ERAP1: variants seen among roughly 807,000 people sequenced by gnomAD.
ERAP1 encodes endoplasmic reticulum aminopeptidase 1.
A neutral mutation model predicts 103.7 loss-of-function variants in ERAP1; 86 were observed. The ratio of observed to expected loss-of-function variants is 0.83; its 90% CI spans 0.70 to 0.99. The LOEUF is 0.99. Among genes scored for constraint, ERAP1 ranks in the 50% least tolerant of loss-of-function variants. The probability of loss-of-function intolerance (pLI) is 0.00; values close to 1 mark genes in which losing one functional copy is unlikely to be tolerated. For missense variants in ERAP1, 1,009 were observed against 1,128.4 expected, an observed-to-expected ratio of 0.89 and a Z score of 1.52; for synonymous variants, 398 against 402.4, an observed-to-expected ratio of 0.99 and a Z score of 0.13.
chr5:96,823,671 A>G, the ERAP1 span, among the ~76,000 whole-genome samples: 1 of 152,246 alleles, frequency 6.6e-6, no homozygotes, highest in Admixed American at 6.5e-5. Context: ...AAAACTGCAG[A>G]TAGTACTGAA....
the ERAP1 span, among the ~76,000 whole-genome samples, chr5:96,849,931 A>G: frequency 7.9e-5 from 12 of 152,298 alleles, no homozygotes; most frequent in South Asian, 1.7e-3. Context: ...ATGGAATAGA[A>G]TAGAAAGCCT....
At chr5:96,917,586 G>C in the ERAP1 span, 1 of 1,613,092 alleles carries the variant, frequency 6.2e-7, no homozygotes, top group Non-Finnish European at 8.5e-7. Context: ...CTGAGGACTT[G>C]GCTAATGGTT....
At chr5:96,773,706 T>C (rs761100928), downstream of ERAP1, 1 of 152,314 alleles carries the variant, frequency 6.6e-6, no homozygotes, top group Non-Finnish European at 1.5e-5. Flanking sequence ...TCTTAATGAA[T>C]AGTTCCTGAA....
the ERAP1 span, among the ~76,000 whole-genome samples, chr5:96,923,551 G>A: frequency 2.0e-5 from 3 of 152,034 alleles, no homozygotes; most frequent in Non-Finnish European, 4.4e-5. Flanking sequence ...AAAATTAGCC[G>A]GGCGCAGTGG....
At chr5:96,887,715 TAAATATTTGCA>T in the ERAP1 span, among the ~76,000 whole-genome samples, 1 of 152,358 alleles carries the variant, frequency 6.6e-6, no homozygotes, top group Admixed American at 6.5e-5. Flanking sequence ...TCTTTGTAGT[TAAATATTTGCA>T]AACATCAGTG....
chr5:96,784,766 G>A (rs1775766897), intron 13 of ERAP1: 1 of 152,804 alleles, frequency 6.5e-6, no homozygotes, highest in African/African-American at 2.4e-5. Context: ...GTTCCTGGAG[G>A]AAACACATTT....
the ERAP1 span, among the ~76,000 whole-genome samples, chr5:96,870,048 G>A: frequency 4.6e-5 from 7 of 152,180 alleles, no homozygotes. Flanking sequence ...AGGTGAACGA[G>A]GGATTCCAGA....
chr5:96,893,029 G>A, the ERAP1 span, among the ~76,000 whole-genome samples: 1 of 152,176 alleles, frequency 6.6e-6, no homozygotes, highest in Non-Finnish European at 1.5e-5. Flanking sequence ...GGGAAAGTGT[G>A]CGGATCACAT....
chr5:96,908,127 T>G, the ERAP1 span, among the ~76,000 whole-genome samples: 2 of 152,326 alleles, frequency 1.3e-5, no homozygotes, highest in East Asian at 3.9e-4. Flanking sequence ...GGTAGAGCAC[T>G]ATGTTAATGA....
At chr5:96,902,420 G>A in the ERAP1 span, 3 of 948,796 alleles carry the variant, frequency 3.2e-6, no homozygotes, top group Middle Eastern at 2.1e-4. Context: ...GCTATTTGAA[G>A]GAACGATACA....
rs1773997838 is a variant in ERAP1 at position 96,775,298 on chromosome 5, C to CTAT, written c.*1095_*1097dup. The CTAT allele has an allele frequency of 1.3e-5, 13 of 985,212 alleles. No individual in the cohort carries two copies. The highest frequency in any genetic ancestry group is 9.4e-5 in the South Asian group (2 of 21,282). The allele number at this position is 985,212 out of a possible 1,614,324, so 61.0% of individuals were successfully genotyped here. On this transcript the variant is annotated 3_prime_UTR_variant, in exon 19 of 19. Transcript: ENST00000443439. ...AAAGACTTCAAAGCCAAAGAATGTC[C>CTAT]TATTTGCTAATATGAGCAAATATTT...
the ERAP1 span, among the ~76,000 whole-genome samples, chr5:96,838,649 CT>C: frequency 6.6e-6 from 1 of 152,112 alleles, no homozygotes; most frequent in Admixed American, 6.5e-5. Flanking sequence ...AGTTTTATTA[CT>C]TCCTTCCATA....
the ERAP1 span, among the ~76,000 whole-genome samples, chr5:96,871,534 A>G: frequency 1.8e-4 from 28 of 152,224 alleles, no homozygotes; most frequent in African/African-American, 6.3e-4. Flanking sequence ...CTTTCAAAAT[A>G]TTTAACAAGC....
intron 19 of ERAP1, among the ~76,000 whole-genome samples, chr5:96,767,676 CTG>C (rs759726123): frequency 6.6e-6 from 1 of 152,134 alleles, no homozygotes; most frequent in African/African-American, 2.4e-5. Flanking sequence ...GGGTGGAAAA[CTG>C]AGGCTCAGAG....
the ERAP1 span, among the ~76,000 whole-genome samples, chr5:96,849,738 C>T: frequency 6.6e-6 from 1 of 152,142 alleles, no homozygotes; most frequent in Non-Finnish European, 1.5e-5. Context: ...TGTCATTCTT[C>T]ACAGAAATGG....
the ERAP1 span, among the ~76,000 whole-genome samples, chr5:96,840,940 G>A: frequency 2.0e-4 from 31 of 152,218 alleles, 1 homozygote; most frequent in South Asian, 6.2e-3. Flanking sequence ...TCCTGACCTC[G>A]TGATCCGCCT....
the ERAP1 span, among the ~76,000 whole-genome samples, chr5:96,839,226 C>T: frequency 0.27 from 40,427 of 152,180 alleles, 6,685 homozygotes; most frequent in Non-Finnish European, 0.38. Context: ...TAATCTGCCT[C>T]AAGCTTCAGA....
the ERAP1 span, among the ~76,000 whole-genome samples, chr5:96,923,246 G>C: frequency 4.1e-3 from 625 of 152,266 alleles, 5 homozygotes; most frequent in African/African-American, 0.014. Context: ...TAGAATTACA[G>C]GTGTGAGCCA....
At chr5:96,774,416 G>T, downstream of ERAP1, 1 of 663,294 alleles carries the variant, frequency 1.5e-6, no homozygotes, top group Non-Finnish European at 1.9e-6. Context: ...ACTGGAGTAA[G>T]CTACAGGATC....
Sources: gnomAD v4.1 joint callset for allele counts (sites outside exome capture counted in the v4.1 genomes callset) on GRCh38, gnomAD v4.1.1 for gene constraint, MANE v1.5 for transcripts, NCBI Gene and HGNC (gene_info 2026-07-23, HGNC 2026-07-21) for gene names.